The following TBCK variants were observed in gnomAD, a reference collection of about 807,000 sequenced individuals.
TBCK encodes the protein TBC1 domain containing kinase, also known as TBC domain-containing protein kinase-like protein.
Under a neutral mutation model 113.4 loss-of-function variants are expected in TBCK, and 99 were observed. That is an observed-to-expected ratio of 0.87 (90% CI 0.74 to 1.03). The LOEUF (loss-of-function observed/expected upper bound fraction) is 1.03, where lower values mean the gene tolerates loss of function less well. Ranked by LOEUF, TBCK falls within the 50% of genes least tolerant of loss-of-function variation. The pLI is 0.00. For missense variants in TBCK, 1,045 were observed against 1,061.3 expected, an observed-to-expected ratio of 0.98 and a Z score of 0.21; for synonymous variants, 369 against 370.8, an observed-to-expected ratio of 1.00 and a Z score of 0.05.
chr4:106,213,991 G>A (rs1230830259), intron 19 of TBCK, among the ~76,000 whole-genome samples: 1 of 152,312 alleles, frequency 6.6e-6, no homozygotes, highest in East Asian at 1.9e-4. Flanking sequence ...GAAGAGAGCA[G>A]TGGTTCTCCC....
intron 23 of TBCK, among the ~76,000 whole-genome samples, chr4:106,165,953 T>C (rs1750320459): frequency 6.6e-6 from 1 of 151,728 alleles, no homozygotes; most frequent in Non-Finnish European, 1.5e-5. Flanking sequence ...GAAAGTAAAA[T>C]TGATTTTTCT....
intron 25 of TBCK, among the ~76,000 whole-genome samples, chr4:106,049,673 A>G (rs540322926): frequency 1.3e-5 from 2 of 151,972 alleles, no homozygotes; most frequent in African/African-American, 4.8e-5. Context: ...TTGACTGTAT[A>G]CTCCACAGAG....
At chr4:106,267,573 G>A (rs1157600793) in intron 3 of TBCK, among the ~76,000 whole-genome samples, 1 of 151,814 alleles carries the variant, frequency 6.6e-6, no homozygotes, top group Non-Finnish European at 1.5e-5. Flanking sequence ...TATAACATTG[G>A]TGAGACCAAA....
intron 12 of TBCK, among the ~76,000 whole-genome samples, chr4:106,238,276 T>C (rs1275642228): frequency 6.6e-6 from 1 of 152,014 alleles, no homozygotes; most frequent in Non-Finnish European, 1.5e-5. Flanking sequence ...GAGTACTGAG[T>C]AGGAATAGTT....
At chr4:106,314,616 A>AC (rs1768558628) in intron 1 of TBCK, among the ~76,000 whole-genome samples, 2 of 102,060 alleles carry the variant, frequency 2.0e-5, no homozygotes, top group Non-Finnish European at 3.8e-5. Flanking sequence ...ATACTACTTG[A>AC]TTTTTTTTTT....
chr4:106,110,510 G>C (rs995523447), intron 24 of TBCK, among the ~76,000 whole-genome samples: 5 of 152,178 alleles, frequency 3.3e-5, no homozygotes, highest in Non-Finnish European at 7.3e-5. Context: ...CATTGAAACA[G>C]CTGCTTAAAG....
At chr4:106,062,572 G>T (rs946707180) in intron 25 of TBCK, among the ~76,000 whole-genome samples, 1 of 151,890 alleles carries the variant, frequency 6.6e-6, no homozygotes, top group African/African-American at 2.4e-5. Context: ...AAACAGTTAG[G>T]ACTATGATGG....
chr4:106,123,087 T>C (rs1446178614), intron 23 of TBCK, among the ~76,000 whole-genome samples: 1 of 152,218 alleles, frequency 6.6e-6, no homozygotes, highest in Non-Finnish European at 1.5e-5. Context: ...AGTCACATTG[T>C]CCCTGTTTGC....
intron 22 of TBCK, among the ~76,000 whole-genome samples, chr4:106,178,344 T>C (rs1321384138): frequency 1.3e-5 from 2 of 151,940 alleles, no homozygotes; most frequent in Admixed American, 6.6e-5. Context: ...CTGTCTAGAA[T>C]TTCCAGTACT....
At chr4:106,134,956 A>G (rs982131534) in intron 23 of TBCK, among the ~76,000 whole-genome samples, 1 of 152,200 alleles carries the variant, frequency 6.6e-6, no homozygotes, top group Admixed American at 6.5e-5. Context: ...CAGTCAATCT[A>G]AAGTGCTTGG....
intron 24 of TBCK, among the ~76,000 whole-genome samples, chr4:106,099,032 T>C (rs534275678): frequency 6.6e-6 from 1 of 152,246 alleles, no homozygotes; most frequent in African/African-American, 2.4e-5. Context: ...TATTATCTTC[T>C]AGGTTTCTAA....
rs556384789 is a variant in TBCK, at chr4:106,290,930, G to T, written c.266+4164C>A. ...ACGCCTGATCATCTGAGGTGGAGCTGAGGCAGTGATGCTAGCGCTGGGGAG... is the reference window on the plus strand; with the variant it reads ...ACGCCTGATCATCTGAGGTGGAGCTTAGGCAGTGATGCTAGCGCTGGGGAG... On this transcript the variant is annotated intron_variant, in intron 3 of 25. Coordinates refer to ENST00000394708, the MANE Select transcript of TBCK (RefSeq NM_001163435.3). Among the ~76,000 whole-genome samples the T allele has an allele frequency of 2.0e-5, 3 of 152,314 alleles. No homozygotes were observed. In the South Asian group the frequency reaches 6.2e-4, roughly 32 times the overall value.
chr4:106,048,162 T>A (rs931624875), intron 25 of TBCK, among the ~76,000 whole-genome samples: 1 of 152,104 alleles, frequency 6.6e-6, no homozygotes, highest in Non-Finnish European at 1.5e-5. Flanking sequence ...CTAAAGCAGG[T>A]GGCCCATGGA....
chr4:106,074,850 G>A (rs1167620305), intron 25 of TBCK, among the ~76,000 whole-genome samples: 2 of 152,182 alleles, frequency 1.3e-5, no homozygotes, highest in Non-Finnish European at 2.9e-5. Flanking sequence ...CTGGAGAGAA[G>A]TGTTACCCTT....
intron 22 of TBCK, among the ~76,000 whole-genome samples, chr4:106,191,784 T>C (rs1354561635): frequency 1.3e-5 from 2 of 152,214 alleles, no homozygotes; most frequent in South Asian, 2.1e-4. Context: ...AACCCAATTG[T>C]ACCAGCTGAC....
chr4:106,249,677 C>T (rs1223698613), intron 7 of TBCK, among the ~76,000 whole-genome samples: 1 of 152,134 alleles, frequency 6.6e-6, no homozygotes. Context: ...TTACAGACCA[C>T]ATTTAAGAAT....
At position 106,142,282 on chromosome 4, in the gene TBCK, T is replaced by C. The variant is rs181894626; in HGVS notation, c.2236-25904A>G. ...GGTTTTTAAGTTGCTCATTTTTGGTTTGGAGAACAAAGGATGAAACAACAT... is the reference window on the plus strand; with the variant it reads ...GGTTTTTAAGTTGCTCATTTTTGGTCTGGAGAACAAAGGATGAAACAACAT... On this transcript the variant is annotated intron_variant, in intron 23 of 25. Transcript: ENST00000394708. Among the ~76,000 whole-genome samples, 864 of 152,258 alleles carry C rather than the reference T, an allele frequency of 5.7e-3. 9 individuals carry two copies. Among genetic ancestry groups the C allele is most frequent in the African/African-American group, 0.02 (836 of 41,550 alleles).
At chr4:106,068,471 C>T (rs1463983106) in intron 25 of TBCK, among the ~76,000 whole-genome samples, 1 of 152,196 alleles carries the variant, frequency 6.6e-6, no homozygotes, top group East Asian at 1.9e-4. Flanking sequence ...CTAGAGAAGA[C>T]ATGAACTCAT....
intron 22 of TBCK, among the ~76,000 whole-genome samples, chr4:106,183,595 T>C (rs1456714649): frequency 1.3e-5 from 2 of 152,090 alleles, no homozygotes; most frequent in Non-Finnish European, 2.9e-5. Flanking sequence ...ATAGTATTTA[T>C]TAAACATGTA....
Sources: gnomAD v4.1 joint callset for allele counts (sites outside exome capture counted in the v4.1 genomes callset) on GRCh38, gnomAD v4.1.1 for gene constraint, MANE v1.5 for transcripts, NCBI Gene and HGNC (gene_info 2026-07-23, HGNC 2026-07-21) for gene names.